Variants in TENM2 observed in about 807,000 individuals in gnomAD.
TENM2 encodes teneurin-2.
In TENM2, 52 loss-of-function variants were observed where a neutral mutation model predicts 245.2. The ratio of observed to expected loss-of-function variants is 0.21; its 90% CI spans 0.17 to 0.27. The LOEUF (loss-of-function observed/expected upper bound fraction) is 0.27, where lower values mean the gene tolerates loss of function less well. Among genes scored for constraint, TENM2 ranks in the 10% least tolerant of loss-of-function variants. TENM2 has a pLI of 1.00. For synonymous variants in TENM2, 1,363 were observed against 1,438.9 expected (o/e 0.95, Z 1.19); for missense variants, 3,046 against 3,666.8 (o/e 0.83, Z 4.37).
At chr5:167,173,670 CA>C in the TENM2 span, among the ~76,000 whole-genome samples, 7 of 151,516 alleles carry the variant, frequency 4.6e-5, no homozygotes, top group Non-Finnish European at 1.0e-4. Context: ...TCGAGTTTCC[CA>C]AAAGAGAATT....
At chr5:167,322,176 T>G (rs1646155423) in intron 1 of TENM2, among the ~76,000 whole-genome samples, 2 of 151,992 alleles carry the variant, frequency 1.3e-5, no homozygotes, top group African/African-American at 4.8e-5. Context: ...ATTTGTGTGT[T>G]TATGATGCTC....
Position 168,123,875 on chromosome 5 carries a change from C to T in TENM2, c.2009-975C>T, listed in dbSNP as rs138148958. On this transcript the variant is annotated intron_variant, in intron 10 of 28. Coordinates refer to ENST00000518659, the Ensembl canonical transcript of TENM2. The stretch of plus-strand genomic sequence containing the variant: ...GAATACATAGGAATACATAAGAAAG[C>T]TGGGCTTCCTCTAAAAGGCCCTATT... 5.3e-4 allele frequency among the ~76,000 whole-genome samples: 81 copies of T among 152,320 alleles called. No individual in the cohort carries two copies. The East Asian group carries it at 0.015, about 29-fold the overall frequency.
intron 12 of TENM2, among the ~76,000 whole-genome samples, chr5:168,131,410 C>T (rs1010913282): frequency 1.3e-5 from 2 of 152,240 alleles, no homozygotes; most frequent in African/African-American, 2.4e-5. Flanking sequence ...CCAGGTGCCA[C>T]AAGTCAGTAC....
chr5:167,810,155 C>T (rs901274069), intron 2 of TENM2, among the ~76,000 whole-genome samples: 1 of 152,082 alleles, frequency 6.6e-6, no homozygotes, highest in Non-Finnish European at 1.5e-5. Flanking sequence ...AAAGGTTGAA[C>T]TTTGTTGGTT....
At chr5:168,167,312 C>A (rs1008238270) in intron 13 of TENM2, among the ~76,000 whole-genome samples, 1 of 151,930 alleles carries the variant, frequency 6.6e-6, no homozygotes, top group African/African-American at 2.4e-5. Flanking sequence ...GTGGGAACTG[C>A]AAGGTGAGGA....
At chr5:167,445,914 G>C (rs2127467091) in intron 2 of TENM2, among the ~76,000 whole-genome samples, 1 of 152,194 alleles carries the variant, frequency 6.6e-6, no homozygotes, top group East Asian at 1.9e-4. Context: ...GTTTCTTCTT[G>C]GTGCTTATGT....
chr5:167,495,260 TA>T (rs1360707570), intron 2 of TENM2, among the ~76,000 whole-genome samples: 55 of 149,876 alleles, frequency 3.7e-4, no homozygotes, highest in Admixed American at 1.7e-3. Context: ...TTTTTTTGCA[TA>T]TTGAGACTAT....
the TENM2 span, among the ~76,000 whole-genome samples, chr5:167,115,137 G>A: frequency 6.6e-6 from 1 of 152,122 alleles, no homozygotes; most frequent in African/African-American, 2.4e-5. Flanking sequence ...AGAGTGTGTA[G>A]GTGACCAAAG....
intron 5 of TENM2, among the ~76,000 whole-genome samples, chr5:168,033,758 T>C (rs370774906): frequency 1.3e-5 from 2 of 152,054 alleles, no homozygotes; most frequent in South Asian, 2.1e-4. Context: ...ATGGTAGCTG[T>C]AATCACACCT....
chr5:167,255,413 C>T, the TENM2 span, among the ~76,000 whole-genome samples: 1 of 152,082 alleles, frequency 6.6e-6, no homozygotes, highest in Non-Finnish European at 1.5e-5. Flanking sequence ...TTGCTAAAAG[C>T]CCATGTTCTT....
chr5:167,880,359 A>G (rs1230555571), intron 3 of TENM2, among the ~76,000 whole-genome samples: 1 of 152,168 alleles, frequency 6.6e-6, no homozygotes. Context: ...AATTTTTTTC[A>G]GCTATAATTA....
At chr5:167,676,635 A>G (rs993151850) in intron 2 of TENM2, among the ~76,000 whole-genome samples, 4 of 152,234 alleles carry the variant, frequency 2.6e-5, no homozygotes, top group African/African-American at 9.6e-5. Flanking sequence ...CTTCCTGGAG[A>G]AAGAGTGTGT....
At chr5:167,593,864 G>A (rs145833032) in intron 2 of TENM2, among the ~76,000 whole-genome samples, 10 of 152,294 alleles carry the variant, frequency 6.6e-5, no homozygotes, top group Non-Finnish European at 1.3e-4. Context: ...TAAAGCAAGA[G>A]TGCTTGGTAC....
chr5:168,163,883 C>T (rs750404724), intron 13 of TENM2, among the ~76,000 whole-genome samples: 2 of 152,148 alleles, frequency 1.3e-5, no homozygotes, highest in Non-Finnish European at 2.9e-5. Flanking sequence ...AGTAAATTTG[C>T]TTAGCCTAGA....
intron 2 of TENM2, among the ~76,000 whole-genome samples, chr5:167,635,692 T>C (rs1437336922): frequency 7.8e-6 from 1 of 128,412 alleles, no homozygotes; most frequent in Non-Finnish European, 1.6e-5. Flanking sequence ...TCGCCCAGGA[T>C]GGAGTGCAAT....
chr5:167,234,321 G>A, the TENM2 span, among the ~76,000 whole-genome samples: 8 of 151,642 alleles, frequency 5.3e-5, no homozygotes, highest in East Asian at 1.9e-4. Flanking sequence ...ACTCTTCTTC[G>A]CTCTAACTGC....
At chr5:168,179,195 T>TCACTTCTCCATCATTTACTAG in intron 13 of TENM2, among the ~76,000 whole-genome samples, 1 of 145,390 alleles carries the variant, frequency 6.9e-6, no homozygotes, top group East Asian at 2.1e-4. Context: ...GAATCATGAA[T>TCACTTCTCCATCATTTACTAG]CACTTCTCCA....
chr5:167,657,556 C>T (rs140604160), intron 2 of TENM2, among the ~76,000 whole-genome samples: 1 of 152,300 alleles, frequency 6.6e-6, no homozygotes, highest in East Asian at 1.9e-4. Flanking sequence ...TTAGTAATCT[C>T]CATACTGTCC....
the TENM2 span, among the ~76,000 whole-genome samples, chr5:167,129,480 C>A: frequency 6.6e-6 from 1 of 152,260 alleles, no homozygotes; most frequent in East Asian, 1.9e-4. Context: ...CTGGAGTAAT[C>A]ATGGAGGAAG....
Sources: allele counts gnomAD v4.1 joint callset (sites outside exome capture counted in the v4.1 genomes callset), GRCh38; gene constraint gnomAD v4.1.1; transcripts MANE v1.5; gene names NCBI Gene and HGNC (gene_info 2026-07-23, HGNC 2026-07-21).